DST: variants seen among roughly 807,000 people sequenced by gnomAD.
DST encodes the protein bullous pemphigoid antigen.
A neutral mutation model predicts 875.2 loss-of-function variants in DST; 253 were observed. The ratio of observed to expected loss-of-function variants is 0.29; its 90% CI spans 0.26 to 0.32. The LOEUF is 0.32. DST is among the 10% of genes least tolerant of loss of function. The pLI, the probability that DST is intolerant of heterozygous loss-of-function variation, is 1.00. For missense variants in DST, 8,287 were observed against 9,111.6 expected (o/e 0.91, Z 3.68); for synonymous variants, 3,124 against 3,197.1 (o/e 0.98, Z 0.77).
At chr6:56,768,459 C>T (rs1316642680) in intron 4 of DST, among the ~76,000 whole-genome samples, 2 of 152,166 alleles carry the variant, frequency 1.3e-5, no homozygotes, top group Non-Finnish European at 2.9e-5. Flanking sequence ...ATCTTTTCAA[C>T]AAATGGTACT....
intron 69 of DST, among the ~76,000 whole-genome samples, chr6:56,522,013 G>A (rs747240544): frequency 6.6e-6 from 1 of 152,034 alleles, no homozygotes; most frequent in Non-Finnish European, 1.5e-5. Flanking sequence ...CAGAGGAGCC[G>A]AACCACCAAC....
Position 56,553,402 on chromosome 6 carries a change from C to A in DST, c.15390G>T (p.Gly5130=). 6.2e-7 allele frequency: 1 copy of A among 1,601,858 alleles called. No homozygotes were observed. Among genetic ancestry groups the A allele is most frequent in the Non-Finnish European group, 8.5e-7 (1 of 1,175,544 alleles). Residue 5130 remains glycine (G), a synonymous_variant, in exon 61 of 104, where the codon GGG becomes GGT. Transcript: ENST00000680361. Reference sequence around the variant, plus strand: ...GTAACTGTAAGGCTGCCTTCTCAGACCCTTGTGTTTTTAATAACAGATTTT... The same window carrying A: ...GTAACTGTAAGGCTGCCTTCTCAGAACCTTGTGTTTTTAATAACAGATTTT... ...EGENLLLKTQ[G]SEKAALQLQL... is the part of the protein sequence containing the mutation.
chr6:56,600,917 A>G (rs1002062505), intron 44 of DST, among the ~76,000 whole-genome samples: 5 of 152,108 alleles, frequency 3.3e-5, no homozygotes, highest in African/African-American at 7.2e-5. Context: ...TTTTACATAC[A>G]TTCTTTTTAT....
chr6:56,587,045 A>G (rs1381921368), intron 49 of DST, among the ~76,000 whole-genome samples: 1 of 152,244 alleles, frequency 6.6e-6, no homozygotes, highest in Admixed American at 6.5e-5. Context: ...CCAGCAACGG[A>G]ACAAAGCTGG....
rs759894065 is a variant in DST, at chr6:56,608,538, T to C, written c.6090A>G (p.Gln2030=). ...TASSILTYQV[Q]TGGIIQSNPA... is the part of the protein sequence containing the mutation. ...GGTTTGACTGGATGATTCCACCAGT[T>C]TGAACCTGATATGTGAGGATACTGC... Residue 2030 remains glutamine (Q), a synonymous_variant, in exon 40 of 104, where the codon CAA becomes CAG. Transcript: ENST00000680361. 7 of 1,613,520 alleles carry C rather than the reference T, an allele frequency of 4.3e-6. No individual in the cohort carries two copies. In the Middle Eastern group the frequency reaches 9.9e-4, roughly 228 times the overall value.
At chr6:56,631,518 G>A in intron 29 of DST, 129 bp from the exon 30 acceptor site, 1 of 773,560 alleles carries the variant, frequency 1.3e-6, no homozygotes, top group Non-Finnish European at 2.1e-6. Flanking sequence ...TTCTTTGTTT[G>A]TTATCAAAGA....
intron 10 of DST, among the ~76,000 whole-genome samples, chr6:56,669,820 GAATTA>G (rs1316713885): frequency 6.6e-6 from 1 of 152,068 alleles, no homozygotes; most frequent in East Asian, 1.9e-4. Flanking sequence ...AGGAGAAAAT[GAATTA>G]ATATATGTAA....
chr6:56,658,176 C>A (rs1205301957), intron 10 of DST, among the ~76,000 whole-genome samples: 1 of 152,136 alleles, frequency 6.6e-6, no homozygotes, highest in Non-Finnish European at 1.5e-5. Context: ...GATCCTCCTG[C>A]CTCAGCCCAG....
chr6:56,856,545 C>T (rs1767947437), intron 3 of DST, among the ~76,000 whole-genome samples: 1 of 152,094 alleles, frequency 6.6e-6, no homozygotes, highest in Non-Finnish European at 1.5e-5. Flanking sequence ...AAGCATTCTA[C>T]AAGACAATTG....
Position 56,568,537 on chromosome 6 carries a change from C to T in DST, c.13937G>A (p.Gly4646Glu), listed in dbSNP as rs2097721328. 1.2e-6 allele frequency: 2 copies of T among 1,612,574 alleles called. No individual in the cohort carries two copies. The highest frequency in any genetic ancestry group is 1.7e-6 in the Non-Finnish European group (2 of 1,179,230). The change falls in exon 55 of 104, where the codon GGG becomes GAG. Residue 4646 changes from glycine (G) to glutamate (E), a missense_variant. Around this residue, in one of 10 missense-constraint regions of DST, gnomAD observed 1,513 missense variants for 1,677.8 expected, o/e 0.90. Coordinates refer to ENST00000680361, the MANE Select transcript of DST (RefSeq NM_001374736.1). ...ACTTATTAAGTTACATAGTGAGATC[C>T]CACTGTTGTTTACTTTCTGAATCTC... ...TPEIQKVNNS[G>E]ISLCNLISAV...
intron 40 of DST, 54 bp from the exon 41 acceptor site, chr6:56,603,767 G>A (rs1409257832): frequency 6.3e-7 from 1 of 1,576,054 alleles, no homozygotes; most frequent in South Asian, 1.2e-5. Flanking sequence ...GATGTTTAAA[G>A]CAAATGTATG....
chr6:56,562,344 G>A, intron 55 of DST, 144 bp from the exon 56 acceptor site: 1 of 473,880 alleles, frequency 2.1e-6, no homozygotes, highest in Non-Finnish European at 3.7e-6. Context: ...GGTCCAAAAT[G>A]TAAATATCAA....
chr6:56,953,048 G>A (rs1823146898), intron 2 of DST, among the ~76,000 whole-genome samples: 1 of 152,214 alleles, frequency 6.6e-6, no homozygotes. Context: ...GCCAACATGA[G>A]TAAACTGCAC....
At chr6:56,514,576 T>TAC (rs199770226) in intron 72 of DST, among the ~76,000 whole-genome samples, 119 of 107,292 alleles carry the variant, frequency 1.1e-3, no homozygotes, top group Non-Finnish European at 2.0e-3. Flanking sequence ...GGCACAGGCG[T>TAC]ATACACACAC....
At chr6:56,495,420 T>C (rs976895094) in intron 82 of DST, among the ~76,000 whole-genome samples, 1 of 152,006 alleles carries the variant, frequency 6.6e-6, no homozygotes, top group African/African-American at 2.4e-5. Flanking sequence ...AATGGAATAT[T>C]TTCTAAAAGT....
chr6:56,695,490 G>C (rs2099258600), intron 9 of DST, among the ~76,000 whole-genome samples: 1 of 152,106 alleles, frequency 6.6e-6, no homozygotes. Context: ...TAGTCTGCCT[G>C]GTTACTGGCA....
chr6:56,467,743 A>T (rs2094654991), intron 98 of DST, among the ~76,000 whole-genome samples: 1 of 152,164 alleles, frequency 6.6e-6, no homozygotes, highest in African/African-American at 2.4e-5. Flanking sequence ...TTCTGTTTTA[A>T]TTAGGCATTC....
At chr6:56,909,847 G>C (rs1273372840) in intron 2 of DST, among the ~76,000 whole-genome samples, 1 of 152,156 alleles carries the variant, frequency 6.6e-6, no homozygotes, top group African/African-American at 2.4e-5. Flanking sequence ...TAATAATACT[G>C]TATCCCATCG....
chr6:56,785,604 TGCC>T (rs1030801414), intron 4 of DST, among the ~76,000 whole-genome samples: 1 of 152,114 alleles, frequency 6.6e-6, no homozygotes, highest in African/African-American at 2.4e-5. Context: ...ATTTTCCAGG[TGCC>T]GTCTGTCACC....
Sources: gnomAD v4.1 joint callset for allele counts (sites outside exome capture counted in the v4.1 genomes callset) on GRCh38, gnomAD v4.1.1 for gene constraint, gnomAD v4.1.1 regional missense constraint, MANE v1.5 for transcripts, NCBI Gene and HGNC (gene_info 2026-07-23, HGNC 2026-07-21) for gene names.